L3MBTL4: variants seen among roughly 807,000 people sequenced by gnomAD.
L3MBTL4 encodes lethal(3)malignant brain tumor-like protein 4.
L3MBTL4 carries 70 observed loss-of-function variants against 84.5 expected under a neutral mutation model. The ratio of observed to expected loss-of-function variants is 0.83; its 90% CI spans 0.68 to 1.01. The LOEUF (loss-of-function observed/expected upper bound fraction) is 1.01, where lower values mean the gene tolerates loss of function less well. L3MBTL4 is among the 50% of genes least tolerant of loss of function. L3MBTL4 has a pLI of 0.00. For missense variants in L3MBTL4, 715 were observed against 754.8 expected (o/e 0.95, Z 0.62); for synonymous variants, 274 against 259.8 (o/e 1.05, Z -0.52).
At chr18:6,188,182 C>T (rs2044875470) in intron 12 of L3MBTL4, among the ~76,000 whole-genome samples, 1 of 151,604 alleles carries the variant, frequency 6.6e-6, no homozygotes, top group Non-Finnish European at 1.5e-5. Flanking sequence ...ACAAAGATCA[C>T]ACACCAACCC....
chr18:6,075,077 T>C (rs1460002445), intron 16 of L3MBTL4, among the ~76,000 whole-genome samples: 3 of 152,148 alleles, frequency 2.0e-5, no homozygotes, highest in Admixed American at 2.0e-4. Context: ...AGGATGATCA[T>C]GTTCATGAAT....
chr18:6,123,816 TA>T (rs2059603559), intron 14 of L3MBTL4, among the ~76,000 whole-genome samples: 1 of 152,246 alleles, frequency 6.6e-6, no homozygotes, highest in Admixed American at 6.5e-5. Flanking sequence ...CAGTTATTCT[TA>T]AATTACTTTT....
chr18:6,064,202 T>C lies in L3MBTL4; in HGVS notation c.1444+16679A>G, dbSNP rs527656930. Reference sequence around the variant, plus strand: ...CTTTATTTCTGGGTTCTCTATTCAGTTCCATTGTTCTACATGCCTATTTTT... The same window carrying C: ...CTTTATTTCTGGGTTCTCTATTCAGCTCCATTGTTCTACATGCCTATTTTT... On this transcript the variant is annotated intron_variant, in intron 16 of 18. Transcript: ENST00000317931. Among the ~76,000 whole-genome samples, 9 of 152,254 alleles carry C rather than the reference T, an allele frequency of 5.9e-5. No homozygotes were observed. In the East Asian group the frequency reaches 1.2e-3, roughly 20 times the overall value.
intron 1 of L3MBTL4, among the ~76,000 whole-genome samples, chr18:6,380,525 C>T (rs1380718926): frequency 6.6e-6 from 1 of 152,144 alleles, no homozygotes; most frequent in Non-Finnish European, 1.5e-5. Context: ...TGTTGTTGTT[C>T]TCATTGGTTT....
intron 12 of L3MBTL4, among the ~76,000 whole-genome samples, chr18:6,174,034 G>T (rs117383000): frequency 6.6e-6 from 1 of 151,848 alleles, no homozygotes; most frequent in Non-Finnish European, 1.5e-5. Flanking sequence ...AAAGAAAGAT[G>T]CTCTAGATTA....
At position 6,414,538 on chromosome 18, in the gene L3MBTL4, C is replaced by T. The variant is rs908990680; in HGVS notation, c.-91+263G>A. On this transcript the variant is annotated intron_variant, in intron 1 of 18. Coordinates refer to ENST00000317931, the MANE Select transcript of L3MBTL4 (RefSeq NM_001330559.2). The surrounding 1 kb of genome is among the most constrained non-coding windows in gnomAD (Gnocchi z 5.4). ...GCGCCGGGCTCTGCGGCGGCCGCGC[C>T]CGTCCAAAGTAGGCGACAAGTGAGG... Among the ~76,000 whole-genome samples the T allele has an allele frequency of 2.0e-5, 3 of 151,988 alleles. No homozygotes were observed. The highest frequency in any genetic ancestry group is 4.4e-5 in the Non-Finnish European group (3 of 67,958).
At chr18:5,969,628 C>T (rs1256977322) in intron 16 of L3MBTL4, 66 bp from the exon 17 acceptor site, 18 of 1,511,196 alleles carry the variant, frequency 1.2e-5, no homozygotes, top group East Asian at 2.3e-5. Flanking sequence ...GTGTCAGCCC[C>T]GCAGTCCGGA....
chr18:6,128,324 G>A (rs2144473718), intron 14 of L3MBTL4, among the ~76,000 whole-genome samples: 1 of 152,232 alleles, frequency 6.6e-6, no homozygotes, highest in South Asian at 2.1e-4. Context: ...AAATAGAAAA[G>A]AGAGTATTAT....
rs200407144 is a variant in L3MBTL4, at chr18:6,185,972, TTA to T, written c.982-14032_982-14031del. Among the ~76,000 whole-genome samples the T allele has an allele frequency of 1.3e-3, 195 of 146,614 alleles. 1 individual carries two copies. Among genetic ancestry groups the T allele is most frequent in the African/African-American group, 5.0e-3 (186 of 37,268 alleles). On this transcript the variant is annotated intron_variant, in intron 12 of 18. Transcript: ENST00000317931. ...AAAAGGGCACTTTCTTTATTTTATTTTATTTTATTTTATTTTATTTTATTATT... is the reference window on the plus strand; with the variant it reads ...AAAAGGGCACTTTCTTTATTTTATTTTTTTATTTTATTTTATTTTATTATT...
intron 5 of L3MBTL4, among the ~76,000 whole-genome samples, chr18:6,249,762 T>C (rs2047842602): frequency 6.6e-6 from 1 of 152,238 alleles, no homozygotes; most frequent in Non-Finnish European, 1.5e-5. Context: ...GATTATATTT[T>C]ATGGTAAGAA....
At chr18:6,032,536 G>GTT (rs530064434) in intron 16 of L3MBTL4, among the ~76,000 whole-genome samples, 2 of 146,602 alleles carry the variant, frequency 1.4e-5, no homozygotes, top group African/African-American at 5.0e-5. Flanking sequence ...TTTTTATCCT[G>GTT]TTTTTTTTTT....
At chr18:6,264,296 C>T (rs2048534238) in intron 4 of L3MBTL4, among the ~76,000 whole-genome samples, 2 of 152,188 alleles carry the variant, frequency 1.3e-5, no homozygotes, top group South Asian at 2.1e-4. Flanking sequence ...AGTGAACTCT[C>T]AAGTTAGGTA....
chr18:6,138,309 A>G lies in L3MBTL4; in HGVS notation c.1097-13T>C, dbSNP rs779818762. 1 of 1,552,676 alleles carries G rather than the reference A, an allele frequency of 6.4e-7. No individual in the cohort carries two copies. Among genetic ancestry groups the G allele is most frequent in the South Asian group, 1.1e-5 (1 of 87,812 alleles). On this transcript the variant is annotated splice_polypyrimidine_tract_variant and intron_variant, in intron 13 of 18. Coordinates refer to ENST00000317931, the MANE Select transcript of L3MBTL4 (RefSeq NM_001330559.2). Reference sequence around the variant, plus strand: ...AGGTCATTCGTTCCTTCAGGAAGTAAAAGAACATGCCTTGAAAACACCCTC... The same window carrying G: ...AGGTCATTCGTTCCTTCAGGAAGTAGAAGAACATGCCTTGAAAACACCCTC...
chr18:5,971,829 T>C (rs556291308), intron 16 of L3MBTL4, among the ~76,000 whole-genome samples: 7 of 152,280 alleles, frequency 4.6e-5, no homozygotes, highest in Admixed American at 1.3e-4. Flanking sequence ...CTCTGGAAGA[T>C]GACAGATGGG....
rs112288301 is a variant in L3MBTL4 at position 6,410,504 on chromosome 18, CA to C, written c.-91+4296del. Among the ~76,000 whole-genome samples, 933 of 148,418 alleles carry C rather than the reference CA, an allele frequency of 6.3e-3. 11 individuals are homozygous for C. The highest frequency in any genetic ancestry group is 0.02 in the African/African-American group (807 of 40,754). ...TCACCCCTAAGTTCCTTAATACACT[CA>C]AAAAAAAAATAAAGGACTGGAGCAA... On this transcript the variant is annotated intron_variant, in intron 1 of 18. Transcript: ENST00000317931.
At chr18:6,409,888 C>G (rs2055893965) in intron 1 of L3MBTL4, among the ~76,000 whole-genome samples, 1 of 152,192 alleles carries the variant, frequency 6.6e-6, no homozygotes, top group Non-Finnish European at 1.5e-5. Context: ...CACTCCACTT[C>G]TCATGCTAGA....
At chr18:6,135,544 C>G (rs540706) in intron 14 of L3MBTL4, among the ~76,000 whole-genome samples, 8 of 152,180 alleles carry the variant, frequency 5.3e-5, no homozygotes, top group Non-Finnish European at 1.2e-4. Flanking sequence ...ACCAGATACC[C>G]TAAATCATCT....
intron 1 of L3MBTL4, among the ~76,000 whole-genome samples, chr18:6,405,843 G>A (rs1019948878): frequency 6.6e-6 from 1 of 152,232 alleles, no homozygotes; most frequent in African/African-American, 2.4e-5. Context: ...GCCATGCAAA[G>A]AAGCCTCAAA....
intron 4 of L3MBTL4, among the ~76,000 whole-genome samples, chr18:6,265,743 T>C (rs1219561649): frequency 6.6e-6 from 1 of 152,046 alleles, no homozygotes; most frequent in East Asian, 1.9e-4. Context: ...CATGATCTTA[T>C]AGACATGCAA....
Sources: allele counts gnomAD v4.1 joint callset (sites outside exome capture counted in the v4.1 genomes callset), GRCh38; gene constraint gnomAD v4.1.1; non-coding constraint Gnocchi (gnomAD v3.1); transcripts MANE v1.5; gene names NCBI Gene and HGNC (gene_info 2026-07-23, HGNC 2026-07-21).